Variants in IGSF22 observed in about 807,000 individuals in gnomAD.
The protein encoded by IGSF22 is immunoglobulin superfamily, member 22.
Under a neutral mutation model 127.0 loss-of-function variants are expected in IGSF22, and 119 were observed. The ratio of observed to expected loss-of-function variants is 0.94; its 90% confidence interval spans 0.81 to 1.09. IGSF22 has a LOEUF of 1.09. IGSF22 is among the 50% of genes least tolerant of loss of function. The probability of loss-of-function intolerance (pLI) is 0.00; values close to 1 mark genes in which losing one functional copy is unlikely to be tolerated. For missense variants in IGSF22, 1,518 were observed against 1,716.6 expected (o/e 0.88, Z 2.04); for synonymous variants, 568 against 664.7 (o/e 0.85, Z 2.24).
chr11:18,706,266 A>C (rs529697586), intron 21 of IGSF22, 120 bp from the exon 22 acceptor site: 4 of 948,730 alleles, frequency 4.2e-6, no homozygotes, highest in Admixed American at 5.7e-5. Context: ...CAGCGCCACC[A>C]ACTCTGGGGG....
chr11:18,722,183 G>C, intron 2 of IGSF22, 142 bp from the exon 3 acceptor site: 2 of 947,672 alleles, frequency 2.1e-6, no homozygotes, highest in Non-Finnish European at 3.2e-6. Flanking sequence ...GCTACATGGG[G>C]AGAAAGCAGG....
Position 18,710,777 on chromosome 11 carries a change from G to T in IGSF22, c.2450C>A (p.Ala817Asp). ...QPQVTDVTKE[A>D]VTITWNAPTQ... ...AGGGGCATTCCACGTGATGGTCACG[G>T]CTTCTTTAGTCACATCAGTCACTTG... is the stretch of plus-strand genomic sequence containing the variant. Residue 817 changes from alanine (A) to aspartate (D), a missense_variant, in exon 16 of 23, where the codon GCC becomes GAC. Transcript: ENST00000513874. 6.2e-7 allele frequency: 1 copy of T among 1,614,156 alleles called. No individual in the cohort carries two copies. Among genetic ancestry groups the T allele is most frequent in the South Asian group, 1.1e-5 (1 of 91,082 alleles).
rs1427311617 is a variant in IGSF22 at position 18,707,987 on chromosome 11, G to A, written c.3097C>T (p.Pro1033Ser). 1.9e-6 allele frequency: 3 copies of A among 1,613,962 alleles called. No individual in the cohort carries two copies. Among genetic ancestry groups the A allele is most frequent in the Non-Finnish European group, 1.7e-6 (2 of 1,179,956 alleles). Residue 1033 changes from proline to serine, a missense_variant, in exon 20 of 23, where the codon CCA becomes TCA. By Grantham distance (74) the Pro-to-Ser change is moderately conservative. Coordinates refer to ENST00000513874, the MANE Select transcript of IGSF22 (RefSeq NM_173588.4). Reference sequence around the variant, plus strand: ...TCTTTCTGCCAGATCACGTCAGGTGGTGGTGAGCCCTGAGTAGTGACAGGA... The same window carrying A: ...TCTTTCTGCCAGATCACGTCAGGTGATGGTGAGCCCTGAGTAGTGACAGGA... ...CIHAAFSGSP[P>S]PDVIWQKDGV...
intron 19 of IGSF22, 78 bp from the exon 20 acceptor site, chr11:18,708,074 T>C: frequency 1.3e-6 from 2 of 1,571,322 alleles, no homozygotes; most frequent in Non-Finnish European, 1.7e-6. Context: ...TGTCGAGGAG[T>C]TTCCTGCCAG....
Position 18,721,956 on chromosome 11 carries a change from G to A in IGSF22, c.195C>T (p.Ser65=). The change falls in exon 3 of 23, where the codon AGC becomes AGT. Residue 65 remains serine, a synonymous_variant. Transcript: ENST00000513874. ...GAGGCTTCTCCACGAACTCAGGGAC[G>A]CTGTCGCCCGCAGGGATGTTTGAGC... ...TRSSNIPAGD[S]VPEFVEKPQP... is the part of the protein sequence containing the mutation. The A allele has an allele frequency of 6.2e-7, 1 of 1,613,910 alleles. No homozygotes were observed. The highest frequency in any genetic ancestry group is 8.5e-7 in the Non-Finnish European group (1 of 1,180,034).
At chr11:18,719,317 T>G (rs1848522630) in intron 7 of IGSF22, among the ~76,000 whole-genome samples, 1 of 137,978 alleles carries the variant, frequency 7.2e-6, no homozygotes, top group Non-Finnish European at 1.6e-5. Context: ...GCGGTTTTTT[T>G]TTGTTTTTTT....
Position 18,714,034 on chromosome 11 carries a change from T to C in IGSF22, c.1913A>G (p.Lys638Arg). The change falls in exon 14 of 23, where the codon AAA (lysine) becomes AGA (arginine). Residue 638 changes from lysine to arginine, a missense_variant. Lys to Arg is a conservative substitution (Grantham distance 26, BLOSUM62 2). This residue lies in a region of IGSF22 where 1,456 missense variants were observed against 1,644.9 expected (regional missense o/e 0.89). Coordinates refer to ENST00000513874, the MANE Select transcript of IGSF22 (RefSeq NM_173588.4). ...KVPFRGKPLP[K>R]VTWYKDGMEV... is the part of the protein sequence containing the mutation. ...CATGCCATCCTTGTACCATGTCACT[T>C]TGGGCAGTGGTTTTCCCCGGAAGGG... 1 of 1,614,280 alleles carries C rather than the reference T, an allele frequency of 6.2e-7. No individual in the cohort carries two copies. The highest frequency in any genetic ancestry group is 8.5e-7 in the Non-Finnish European group (1 of 1,180,040).
chr11:18,710,453 T>C lies in IGSF22; in HGVS notation c.2575A>G (p.Thr859Ala). Residue 859 changes from threonine to alanine, a missense_variant and splice_region_variant, in exon 17 of 23, where the codon ACC becomes GCC. Physicochemically the swap from Thr to Ala is moderately conservative, Grantham distance 58. Around this residue, in one of 3 missense-constraint regions of IGSF22, gnomAD observed 1,456 missense variants for 1,644.9 expected, o/e 0.89. Coordinates refer to ENST00000513874, the MANE Select transcript of IGSF22 (RefSeq NM_173588.4). ...VPVNKDPIQG[T>A]KCTVDGLLED... ...AGGAGACCATCCACAGTGCACTTGG[T>C]GCCTGAAATGGGAAGATGAGGGGTC... is the stretch of plus-strand genomic sequence containing the variant. 1 of 1,613,990 alleles carries C rather than the reference T, an allele frequency of 6.2e-7. No homozygotes were observed. Among genetic ancestry groups the C allele is most frequent in the Non-Finnish European group, 8.5e-7 (1 of 1,179,996 alleles).
intron 4 of IGSF22, 89 bp downstream of exon 4, chr11:18,721,446 G>A (rs1260527263): frequency 1.7e-5 from 26 of 1,552,526 alleles, no homozygotes; most frequent in Non-Finnish European, 2.3e-5. Context: ...CGCCGTTAAG[G>A]CTCTCATCGG....
rs754258895 is a variant in IGSF22 at position 18,718,610 on chromosome 11, C to T, written c.810+5G>A. ...CAAGGTGGACCCTGGCTAGGCATCC[C>T]CCACCTTGATCCATATCATCTTGAC... is the stretch of plus-strand genomic sequence containing the variant. On this transcript the variant is annotated splice_donor_5th_base_variant and intron_variant, in intron 8 of 22. Transcript: ENST00000513874. The T allele has an allele frequency of 1.6e-5, 25 of 1,552,116 alleles. No homozygotes were observed. Among genetic ancestry groups the T allele is most frequent in the Non-Finnish European group, 2.0e-5 (23 of 1,123,462 alleles).
rs1213124415 is a variant in IGSF22, at chr11:18,705,831, G to T, written c.3896C>A (p.Thr1299Lys). The T allele has an allele frequency of 6.5e-7, 1 of 1,547,300 alleles. No individual in the cohort carries two copies. Among genetic ancestry groups the T allele is most frequent in the South Asian group, 1.2e-5 (1 of 83,962 alleles). Residue 1299 changes from threonine to lysine, a missense_variant, in exon 22 of 23, where the codon ACG becomes AAG. By Grantham distance (78) the Thr-to-Lys change is moderately conservative. This residue lies in a region of IGSF22 where 58 missense variants were observed against 53.0 expected (regional missense o/e 1.10). Transcript: ENST00000513874. ...NELGKDRSSC[T>K]LTVYDKDDKS... ...GGCGCCCTCACCATAGACGGTGAGC[G>T]TGCAGCTGCTGCGGTCCTTGCCCAG...
At position 18,707,986 on chromosome 11, in the gene IGSF22, G is replaced by A. The variant is rs375683963; in HGVS notation, c.3098C>T (p.Pro1033Leu). The A allele has an allele frequency of 6.8e-6, 11 of 1,614,090 alleles. No homozygotes were observed. The African/African-American group carries it at 1.1e-4, about 16-fold the overall frequency. The change falls in exon 20 of 23, where the codon CCA (proline) becomes CTA (leucine). Residue 1033 changes from proline (P) to leucine (L), a missense_variant. Transcript: ENST00000513874. ...CIHAAFSGSP[P>L]PDVIWQKDGV... is the part of the protein sequence containing the mutation. ...ATCTTTCTGCCAGATCACGTCAGGT[G>A]GTGGTGAGCCCTGAGTAGTGACAGG...
intron 14 of IGSF22, among the ~76,000 whole-genome samples, chr11:18,712,635 G>T (rs1417906584): frequency 6.6e-6 from 1 of 152,182 alleles, no homozygotes; most frequent in Admixed American, 6.5e-5. Context: ...GCCCTTAGCT[G>T]ATCTCCCTGT....
rs1162948510 is a variant in IGSF22, at chr11:18,704,335, C to T, written c.*133G>A. ...GAAAGGATGAGTTACGTTTATTGCC[C>T]CATCCCTTCACTGAATGTTTACATT... On this transcript the variant is annotated 3_prime_UTR_variant, in exon 23 of 23. Transcript: ENST00000513874. 6.0e-6 allele frequency: 4 copies of T among 671,434 alleles called. No homozygotes were observed. The highest frequency in any genetic ancestry group is 5.4e-5 in the African/African-American group (3 of 55,072). The allele number at this position is 671,434 out of a possible 1,614,324, so 41.6% of individuals were successfully genotyped here. A position where few individuals can be genotyped will look rare whatever the true frequency, so the allele number is the denominator to read the frequency against.
rs751284926 is a variant in IGSF22 at position 18,707,875 on chromosome 11, GAGTCA to G, written c.3204_3208del (p.Asp1069ArgfsTer10). 1.2e-6 allele frequency: 2 copies of G among 1,614,166 alleles called. No individual in the cohort carries two copies. Among genetic ancestry groups the G allele is most frequent in the South Asian group, 2.2e-5 (2 of 91,072 alleles). ...CTGAAGCAAGATTCGGTACACCCCT[GAGTCA>G]GAGCGCTTGGTGCTATTAATGAGGA... On this transcript the variant is annotated frameshift_variant, in exon 20 of 23. Coordinates refer to ENST00000513874, the MANE Select transcript of IGSF22 (RefSeq NM_173588.4). LOFTEE classifies it high-confidence loss of function.
In IGSF22 at chr11:18,710,730, C is replaced by T; in HGVS notation, c.2497G>A (p.Val833Met). Reference protein sequence around the residue: ...NAPTQDGGAPVLGYIVERRKK... With the variant: ...NAPTQDGGAPMLGYIVERRKK... ...CTTCGTTCTACAATGTAGCCGAGCACTGGGGCTCCCCCATCCTGGGTAGGG... is the reference window on the plus strand; with the variant it reads ...CTTCGTTCTACAATGTAGCCGAGCATTGGGGCTCCCCCATCCTGGGTAGGG... Residue 833 changes from valine (V) to methionine (M), a missense_variant, in exon 16 of 23, where the codon GTG becomes ATG. Coordinates refer to ENST00000513874, the MANE Select transcript of IGSF22 (RefSeq NM_173588.4). The T allele has an allele frequency of 3.1e-6, 5 of 1,614,202 alleles. No individual in the cohort carries two copies. Among genetic ancestry groups the T allele is most frequent in the Admixed American group, 1.7e-5 (1 of 60,032 alleles).
chr11:18,712,844 T>C (rs1848383100), intron 14 of IGSF22, among the ~76,000 whole-genome samples: 2 of 152,216 alleles, frequency 1.3e-5, no homozygotes, highest in African/African-American at 4.8e-5. Flanking sequence ...GCTGCTGAAT[T>C]GAATTGAAAC....
In IGSF22 at chr11:18,709,744, A is replaced by G; in HGVS notation, c.2702-61T>C. ...CTCATCTCCACTCAATGCCTTGCTCACTTCCCACACTCAATACTCCTGAAC... is the reference window on the plus strand; with the variant it reads ...CTCATCTCCACTCAATGCCTTGCTCGCTTCCCACACTCAATACTCCTGAAC... On this transcript the variant is annotated intron_variant, in intron 17 of 22. Coordinates refer to ENST00000513874, the MANE Select transcript of IGSF22 (RefSeq NM_173588.4). The surrounding 1 kb of genome is among the most constrained non-coding windows in gnomAD (Gnocchi z 4.8). The G allele has an allele frequency of 6.7e-7, 1 of 1,503,602 alleles. No individual in the cohort carries two copies. The highest frequency in any genetic ancestry group is 9.0e-7 in the Non-Finnish European group (1 of 1,107,986). The allele number at this position is 1,503,602 out of a possible 1,614,324, so 93.1% of individuals were successfully genotyped here. A position where few individuals can be genotyped will look rare whatever the true frequency, so the allele number is the denominator to read the frequency against.
Position 18,716,653 on chromosome 11 carries a change from T to C in IGSF22, c.1246+75A>G. On this transcript the variant is annotated intron_variant, in intron 10 of 22. Transcript: ENST00000513874. This position sits in a 1 kb window ranked among gnomAD's most constrained non-coding sequence, Gnocchi z 4.5. ...AAGGAGATGGATGGATAGATGGATA[T>C]ATAAATGATGACTACCTGCATGGAG... 2.1e-6 allele frequency: 3 copies of C among 1,454,746 alleles called. No homozygotes were observed. The highest frequency in any genetic ancestry group is 2.9e-6 in the Non-Finnish European group (3 of 1,050,130). The allele number at this position is 1,454,746 out of a possible 1,614,324, so 90.1% of individuals were successfully genotyped here. A position where few individuals can be genotyped will look rare whatever the true frequency, so the allele number is the denominator to read the frequency against.
Sources: gnomAD v4.1 joint callset for allele counts (sites outside exome capture counted in the v4.1 genomes callset) on GRCh38, gnomAD v4.1.1 for gene constraint, gnomAD v4.1.1 regional missense constraint, Gnocchi (gnomAD v3.1) non-coding constraint, MANE v1.5 for transcripts, NCBI Gene and HGNC (gene_info 2026-07-23, HGNC 2026-07-21) for gene names.